Variants in ZNF277 observed in about 807,000 individuals in gnomAD.
The protein encoded by ZNF277 is zinc finger protein 277.
In ZNF277, 55 loss-of-function variants were observed where a neutral mutation model predicts 60.7. The ratio of observed to expected loss-of-function variants is 0.91; its 90% confidence interval spans 0.73 to 1.13. The LOEUF (loss-of-function observed/expected upper bound fraction) is 1.13, where lower values mean the gene tolerates loss of function less well. Among genes scored for constraint, ZNF277 ranks in the 50% most tolerant of loss-of-function variants. The probability of loss-of-function intolerance (pLI) is 0.00; values close to 1 mark genes in which losing one functional copy is unlikely to be tolerated. For synonymous variants in ZNF277, 178 were observed against 179.3 expected, an observed-to-expected ratio of 0.99 and a Z score of 0.06; for missense variants, 510 against 523.0, an observed-to-expected ratio of 0.98 and a Z score of 0.24.
chr7:112,331,474 T>C (rs1364298514), intron 7 of ZNF277, among the ~76,000 whole-genome samples: 1 of 152,164 alleles, frequency 6.6e-6, no homozygotes, highest in Non-Finnish European at 1.5e-5. Flanking sequence ...AAAAGGCTAA[T>C]TGAATATAAT....
intron 1 of ZNF277, among the ~76,000 whole-genome samples, chr7:112,222,822 T>C (rs138957820): frequency 5.6e-4 from 85 of 152,262 alleles, no homozygotes; most frequent in Middle Eastern, 3.4e-3. Flanking sequence ...GAGATTAACA[T>C]TTGAGTCAGT....
intron 1 of ZNF277, among the ~76,000 whole-genome samples, chr7:112,244,018 G>A (rs1428223579): frequency 6.6e-6 from 1 of 152,050 alleles, no homozygotes; most frequent in Non-Finnish European, 1.5e-5. Context: ...TAGAACTGGA[G>A]GCCATTATCT....
rs765100501 is a variant in ZNF277, at chr7:112,337,867, C to T, written c.966+41C>T. On this transcript the variant is annotated intron_variant, in intron 9 of 11. Transcript: ENST00000361822. ...TTATTTGAATTTTGTTTTATTCTGACAGGGGAAAGCTAGTAATTGTTGCAC... is the reference window on the plus strand; with the variant it reads ...TTATTTGAATTTTGTTTTATTCTGATAGGGGAAAGCTAGTAATTGTTGCAC... 7 of 1,521,648 alleles carry T rather than the reference C, an allele frequency of 4.6e-6. No homozygotes were observed. In the South Asian group the frequency reaches 6.8e-5, roughly 15 times the overall value. The allele number at this position is 1,521,648 out of a possible 1,614,324, so 94.3% of individuals were successfully genotyped here. A position where few individuals can be genotyped will look rare whatever the true frequency, so the allele number is the denominator to read the frequency against.
chr7:112,277,681 C>T (rs896084813), intron 1 of ZNF277, among the ~76,000 whole-genome samples: 3 of 152,074 alleles, frequency 2.0e-5, no homozygotes, highest in East Asian at 1.9e-4. Flanking sequence ...TACCATTGTT[C>T]GACAGAGTAG....
chr7:112,252,944 A>C (rs1325904027), intron 1 of ZNF277, among the ~76,000 whole-genome samples: 1 of 152,230 alleles, frequency 6.6e-6, no homozygotes, highest in Non-Finnish European at 1.5e-5. Context: ...ACGATGAATA[A>C]ACCAAGGCTT....
rs957250435 is a variant in ZNF277, at chr7:112,340,816, G to A, written c.1010-56G>A. The A allele has an allele frequency of 2.5e-5, 38 of 1,504,356 alleles. No homozygotes were observed. The African/African-American group carries it at 5.1e-4, about 20-fold the overall frequency. The allele number at this position is 1,504,356 out of a possible 1,614,324, so 93.2% of individuals were successfully genotyped here. On this transcript the variant is annotated intron_variant, in intron 10 of 11. Transcript: ENST00000361822. ...GTGGCTCCTTTAAGAAATTATAATA[G>A]TGCAAAAAATGGGTCTGAACAGTTG...
At position 112,206,820 on chromosome 7, in the gene ZNF277, C is replaced by A; in HGVS notation, c.91+13C>A. On this transcript the variant is annotated intron_variant, in intron 1 of 11. Coordinates refer to ENST00000361822, the MANE Select transcript of ZNF277 (RefSeq NM_021994.3). The stretch of plus-strand genomic sequence containing the variant: ...GTAGGTTATGGGGGTGAGTACGGTG[C>A]CCCGGAGGCGCGGCTGATGTGTCTT... 1 of 1,611,444 alleles carries A rather than the reference C, an allele frequency of 6.2e-7. No individual in the cohort carries two copies. Among genetic ancestry groups the A allele is most frequent in the East Asian group, 2.2e-5 (1 of 44,692 alleles).
chr7:112,279,855 C>T (rs1467269957), intron 1 of ZNF277, among the ~76,000 whole-genome samples: 1 of 152,094 alleles, frequency 6.6e-6, no homozygotes, highest in African/African-American at 2.4e-5. Flanking sequence ...TCTTTATCCT[C>T]ATTGTCTTCC....
intron 1 of ZNF277, among the ~76,000 whole-genome samples, chr7:112,237,096 A>G (rs187367134): frequency 6.6e-6 from 1 of 152,264 alleles, no homozygotes; most frequent in Non-Finnish European, 1.5e-5. Flanking sequence ...AAACTACACA[A>G]ATATATGGGA....
intron 1 of ZNF277, among the ~76,000 whole-genome samples, chr7:112,215,522 C>G (rs1337877895): frequency 6.6e-6 from 1 of 152,198 alleles, no homozygotes; most frequent in Non-Finnish European, 1.5e-5. Context: ...GGCTCTGCAT[C>G]CCTGTCTCAC....
At chr7:112,328,335 A>T (rs1275157393) in intron 6 of ZNF277, 1 of 152,406 alleles carries the variant, frequency 6.6e-6, no homozygotes, top group Non-Finnish European at 1.5e-5. Context: ...GTTTTCATTC[A>T]CATTTGTATA....
At chr7:112,222,551 G>A (rs982385970) in intron 1 of ZNF277, among the ~76,000 whole-genome samples, 2 of 152,108 alleles carry the variant, frequency 1.3e-5, no homozygotes, top group Non-Finnish European at 2.9e-5. Flanking sequence ...ATGATTTAAT[G>A]TATTTGAGGC....
intron 4 of ZNF277, among the ~76,000 whole-genome samples, chr7:112,301,174 T>C (rs1277452915): frequency 6.6e-6 from 1 of 151,976 alleles, no homozygotes; most frequent in Non-Finnish European, 1.5e-5. Context: ...CGGGGTCAAG[T>C]GATCCTTTCG....
intron 1 of ZNF277, among the ~76,000 whole-genome samples, chr7:112,231,458 A>G (rs1473006822): frequency 4.6e-5 from 7 of 152,162 alleles, no homozygotes; most frequent in Non-Finnish European, 1.5e-5. Flanking sequence ...TTTTGGAGAT[A>G]CTTAGTCTTC....
At chr7:112,214,766 G>A (rs58583565) in intron 1 of ZNF277, among the ~76,000 whole-genome samples, 2,187 of 152,212 alleles carry the variant, frequency 0.014, 63 homozygotes, top group African/African-American at 0.05. Flanking sequence ...AGGATAATGT[G>A]GGATAGTATT....
chr7:112,338,820 C>G (rs1793384054), intron 9 of ZNF277, among the ~76,000 whole-genome samples: 1 of 152,186 alleles, frequency 6.6e-6, no homozygotes, highest in South Asian at 2.1e-4. Flanking sequence ...ACCTTTTCGG[C>G]ATCCTTGACA....
At chr7:112,337,893 C>A in intron 9 of ZNF277, 67 bp downstream of exon 9, 3 of 1,303,130 alleles carry the variant, frequency 2.3e-6, no homozygotes, top group Non-Finnish European at 3.2e-6. Flanking sequence ...ATTGTTGCAC[C>A]CTCATCTGCT....
intron 2 of ZNF277, among the ~76,000 whole-genome samples, chr7:112,290,130 A>T (rs1406424580): frequency 6.6e-6 from 1 of 152,128 alleles, no homozygotes. Context: ...CTAGCCATGA[A>T]ACTGTTCTTT....
chr7:112,317,943 G>A (rs367943095), intron 4 of ZNF277, among the ~76,000 whole-genome samples: 2 of 152,196 alleles, frequency 1.3e-5, no homozygotes, highest in African/African-American at 4.8e-5. Context: ...AGCAAAGGAC[G>A]GTAAAACCTT....
Sources: allele counts gnomAD v4.1 joint callset (sites outside exome capture counted in the v4.1 genomes callset), GRCh38; gene constraint gnomAD v4.1.1; transcripts MANE v1.5; gene names NCBI Gene and HGNC (gene_info 2026-07-23, HGNC 2026-07-21).